Variants in DOCK4 observed in about 807,000 individuals in gnomAD.
DOCK4 encodes dedicator of cytokinesis 4.
Under a neutral mutation model 268.1 loss-of-function variants are expected in DOCK4, and 97 were observed. The ratio of observed to expected loss-of-function variants is 0.36; its 90% CI spans 0.31 to 0.43. DOCK4 has a LOEUF of 0.43. DOCK4 is among the 20% of genes least tolerant of loss of function. The probability of loss-of-function intolerance (pLI) is 1.00; values close to 1 mark genes in which losing one functional copy is unlikely to be tolerated. For missense variants in DOCK4, 2,145 were observed against 2,455.7 expected (o/e 0.87, Z 2.67); for synonymous variants, 954 against 887.2 (o/e 1.08, Z -1.34).
intron 8 of DOCK4, among the ~76,000 whole-genome samples, chr7:111,948,434 G>C (rs1795795535): frequency 1.3e-5 from 2 of 152,102 alleles, no homozygotes; most frequent in African/African-American, 2.4e-5. Context: ...GCCATCATTT[G>C]CCTGACCCAC....
chr7:111,868,205 T>C, intron 21 of DOCK4, 51 bp from the exon 22 acceptor site: 12 of 1,387,602 alleles, frequency 8.6e-6, no homozygotes, highest in Non-Finnish European at 1.2e-5. Context: ...AAAGAGTATT[T>C]ATTTAGCAAT....
chr7:111,864,021 C>A (rs1805769268), intron 22 of DOCK4, among the ~76,000 whole-genome samples: 1 of 152,136 alleles, frequency 6.6e-6, no homozygotes, highest in South Asian at 2.1e-4. Context: ...AGAAAAAACA[C>A]AGGACAGGGC....
intron 12 of DOCK4, chr7:111,935,326 C>T (rs1187890228): frequency 3.3e-6 from 2 of 598,964 alleles, no homozygotes; most frequent in Middle Eastern, 3.1e-4. Flanking sequence ...TTTTTCGTTT[C>T]AACAAGAATA....
chr7:111,934,523 G>GTTT (rs1183672033), intron 12 of DOCK4, among the ~76,000 whole-genome samples: 97 of 83,828 alleles, frequency 1.2e-3, no homozygotes, highest in Non-Finnish European at 1.9e-3. Context: ...TTTTGTTTTT[G>GTTT]TTTTTTTTTT....
At chr7:111,973,121 T>G (rs1460024052) in intron 8 of DOCK4, among the ~76,000 whole-genome samples, 2 of 147,502 alleles carry the variant, frequency 1.4e-5, no homozygotes, top group Admixed American at 1.4e-4. Flanking sequence ...AAGCCATTAT[T>G]TCATTCCTTT....
At chr7:111,935,754 G>A (rs1471620472) in intron 11 of DOCK4, 126 bp from the exon 12 acceptor site, 3 of 744,260 alleles carry the variant, frequency 4.0e-6, no homozygotes, top group East Asian at 5.3e-5. Flanking sequence ...CCATCAACCT[G>A]CTGCAACTGA....
intron 30 of DOCK4, chr7:111,807,569 G>A (rs1435078113): frequency 6.6e-6 from 1 of 151,406 alleles, no homozygotes; most frequent in Non-Finnish European, 1.5e-5. Context: ...CCACCTCCCA[G>A]GTTCAAGTGA....
At chr7:111,851,426 C>G (rs977092947) in intron 23 of DOCK4, among the ~76,000 whole-genome samples, 1 of 115,556 alleles carries the variant, frequency 8.7e-6, no homozygotes, top group African/African-American at 3.5e-5. Context: ...GCCTGGGAGA[C>G]AGAGCAAGAC....
At chr7:112,178,130 T>C (rs559369044) in intron 1 of DOCK4, among the ~76,000 whole-genome samples, 62 of 152,382 alleles carry the variant, frequency 4.1e-4, no homozygotes, top group Middle Eastern at 6.8e-3. Context: ...AGGTTGCTCC[T>C]GGTCTCATTT....
At chr7:112,154,802 A>G (rs544587709) in intron 1 of DOCK4, among the ~76,000 whole-genome samples, 4 of 152,268 alleles carry the variant, frequency 2.6e-5, no homozygotes, top group African/African-American at 7.2e-5. Flanking sequence ...ATCCCTCTAG[A>G]AAGAACAAGA....
At chr7:112,098,264 C>T (rs577189900) in intron 1 of DOCK4, among the ~76,000 whole-genome samples, 7 of 151,994 alleles carry the variant, frequency 4.6e-5, no homozygotes, top group South Asian at 4.2e-4. Flanking sequence ...CTGCAACCTC[C>T]GCCTCCTGAG....
chr7:111,730,415 C>A (rs1795001819), intron 52 of DOCK4, among the ~76,000 whole-genome samples: 1 of 152,160 alleles, frequency 6.6e-6, no homozygotes, highest in Admixed American at 6.5e-5. Context: ...TTGAGAAATG[C>A]TATCTTCTTA....
intron 1 of DOCK4, among the ~76,000 whole-genome samples, chr7:112,119,025 G>A (rs1195479855): frequency 1.3e-5 from 2 of 152,090 alleles, no homozygotes; most frequent in African/African-American, 4.8e-5. Context: ...GGCAGGGATG[G>A]GACCAGAGCT....
chr7:111,829,346 G>T (rs1476598317), intron 26 of DOCK4, among the ~76,000 whole-genome samples: 1 of 152,118 alleles, frequency 6.6e-6, no homozygotes, highest in African/African-American at 2.4e-5. Flanking sequence ...ATGAGCTCAG[G>T]ATGTTAATAG....
intron 16 of DOCK4, among the ~76,000 whole-genome samples, chr7:111,885,321 C>T (rs1284674545): frequency 2.0e-5 from 3 of 152,098 alleles, no homozygotes; most frequent in Non-Finnish European, 2.9e-5. Context: ...TGGTTAAATA[C>T]GGATCATTTG....
intron 17 of DOCK4, among the ~76,000 whole-genome samples, chr7:111,874,996 A>C (rs1291955842): frequency 1.3e-5 from 2 of 152,246 alleles, no homozygotes; most frequent in African/African-American, 4.8e-5. Flanking sequence ...TAGCAATTTA[A>C]TTCCAATTTG....
At chr7:112,000,556 C>A in intron 2 of DOCK4, 22 bp from the exon 3 acceptor site, 1 of 1,516,950 alleles carries the variant, frequency 6.6e-7, no homozygotes, top group Non-Finnish European at 8.9e-7. Context: ...TAATCATGGT[C>A]ATATTTTGAT....
At chr7:111,763,090 G>C (rs750302332) in intron 39 of DOCK4, among the ~76,000 whole-genome samples, 4 of 151,066 alleles carry the variant, frequency 2.6e-5, no homozygotes, top group Non-Finnish European at 5.9e-5. Context: ...TTTCATGAGG[G>C]GAAAAATCCC....
chr7:112,162,446 G>A (rs752873566), intron 1 of DOCK4, among the ~76,000 whole-genome samples: 26 of 151,998 alleles, frequency 1.7e-4, no homozygotes, highest in Non-Finnish European at 3.2e-4. Context: ...AGCAGGACCT[G>A]TGCCCTTTCA....
Sources: allele counts gnomAD v4.1 joint callset (sites outside exome capture counted in the v4.1 genomes callset), GRCh38; gene constraint gnomAD v4.1.1; transcripts MANE v1.5; gene names NCBI Gene and HGNC (gene_info 2026-07-23, HGNC 2026-07-21).